The following ECE1 variants were observed in gnomAD, a reference collection of about 807,000 sequenced individuals.
ECE1 encodes the protein endothelin converting enzyme 1, also known as endothelin-converting enzyme 1.
In ECE1, 35 loss-of-function variants were observed where a neutral mutation model predicts 98.6. That is an observed-to-expected ratio of 0.35 (90% CI 0.27 to 0.47). ECE1 has a LOEUF of 0.47. ECE1 is among the 20% of genes least tolerant of loss of function. The pLI, the probability that ECE1 is intolerant of heterozygous loss-of-function variation, is 1.00. For missense variants in ECE1, 814 were observed against 1,025.3 expected (o/e 0.79, Z 2.81); for synonymous variants, 394 against 407.1 (o/e 0.97, Z 0.39).
chr1:21,316,631 G>A (rs892464532), intron 1 of ECE1, among the ~76,000 whole-genome samples: 3 of 151,958 alleles, frequency 2.0e-5, no homozygotes, highest in Non-Finnish European at 4.4e-5. Context: ...TCCTGTGGTC[G>A]CCAAGAGACA....
Position 21,247,206 on chromosome 1 carries a change from T to C in ECE1, c.1163+15A>G. The C allele has an allele frequency of 6.2e-7, 1 of 1,614,070 alleles. No individual in the cohort carries two copies. The highest frequency in any genetic ancestry group is 1.1e-5 in the South Asian group (1 of 91,076). ...CTGTGAGAGGCGTGCCCCAGGCCACTGGGGGTCCTCTTACCATCTGTCGGT... is the reference window on the plus strand; with the variant it reads ...CTGTGAGAGGCGTGCCCCAGGCCACCGGGGGTCCTCTTACCATCTGTCGGT... On this transcript the variant is annotated intron_variant, in intron 9 of 18. Transcript: ENST00000374893.
chr1:21,272,912 C>T lies in ECE1; in HGVS notation c.281-1G>A. ...TCGCTCAGGCACACAGAGGGGGATCCTGGAAGGGTTAAGGACAAGAGGCCA... is the reference window on the plus strand; with the variant it reads ...TCGCTCAGGCACACAGAGGGGGATCTTGGAAGGGTTAAGGACAAGAGGCCA... On this transcript the variant is annotated splice_acceptor_variant, in intron 3 of 18. Coordinates refer to ENST00000374893, the MANE Select transcript of ECE1 (RefSeq NM_001397.3). LOFTEE classifies it high-confidence loss of function. The T allele has an allele frequency of 6.2e-7, 1 of 1,613,998 alleles. No homozygotes were observed. Among genetic ancestry groups the T allele is most frequent in the Non-Finnish European group, 8.5e-7 (1 of 1,179,922 alleles).
chr1:21,270,852 C>T lies in ECE1; in HGVS notation c.493+1847G>A, dbSNP rs149351861. 5.3e-5 allele frequency among the ~76,000 whole-genome samples: 8 copies of T among 152,300 alleles called. No homozygotes were observed. The East Asian group carries it at 1.4e-3, about 26-fold the overall frequency. ...CATAGTAAGTGGCAGAGTCCAGATT[C>T]GAACCCAGGTCCTGGTGAGTCTGAA... On this transcript the variant is annotated intron_variant, in intron 4 of 18. Coordinates refer to ENST00000374893, the MANE Select transcript of ECE1 (RefSeq NM_001397.3).
At chr1:21,239,215 G>T (rs780807021) in intron 10 of ECE1, among the ~76,000 whole-genome samples, 1 of 152,156 alleles carries the variant, frequency 6.6e-6, no homozygotes, top group Non-Finnish European at 1.5e-5. Flanking sequence ...TGTGCAAACC[G>T]GAAATAGGCG....
At position 21,233,468 on chromosome 1, in the gene ECE1, C is replaced by T; in HGVS notation, c.1670+90G>A. 1 of 1,163,792 alleles carries T rather than the reference C, an allele frequency of 8.6e-7. No individual in the cohort carries two copies. The highest frequency in any genetic ancestry group is 1.3e-6 in the Non-Finnish European group (1 of 785,774). 72.1% of individuals were successfully genotyped at this position (1,163,792 alleles called of 1,614,324 possible). ...CTCTCGTGATAGCTGATCGGGTGCACAGTGAGGGTGCAATGAAGGCCAGTT... is the reference window on the plus strand; with the variant it reads ...CTCTCGTGATAGCTGATCGGGTGCATAGTGAGGGTGCAATGAAGGCCAGTT... On this transcript the variant is annotated intron_variant, in intron 14 of 18. Transcript: ENST00000374893. This position sits in a 1 kb window ranked among gnomAD's most constrained non-coding sequence, Gnocchi z 4.0.
At chr1:21,279,059 C>G in intron 3 of ECE1, 132 bp downstream of exon 3, 2 of 1,491,448 alleles carry the variant, frequency 1.3e-6, no homozygotes, top group Non-Finnish European at 1.8e-6. Context: ...GCACCCAGAC[C>G]CCCCTGGGCC....
At chr1:21,317,784 C>T (rs79553835) in intron 1 of ECE1, among the ~76,000 whole-genome samples, 1,977 of 152,290 alleles carry the variant, frequency 0.013, 44 homozygotes, top group African/African-American at 0.045. Context: ...CCTCTGGAGA[C>T]GCACGAGTGG....
rs756284777 is a variant in ECE1 at position 21,256,133 on chromosome 1, C to T, written c.834G>A (p.Leu278=). The change falls in exon 8 of 19, where the codon CTG becomes CTA. Residue 278 remains leucine, a synonymous_variant. Transcript: ENST00000374893. Reference sequence around the variant, plus strand: ...GGACCATGTAGTTCAGATATCCGGTCAGCACCTGCAGGGCCCATACCCCAA... The same window carrying T: ...GGACCATGTAGTTCAGATATCCGGTTAGCACCTGCAGGGCCCATACCCCAA... ...YLNKTENEKV[L]TGYLNYMVQL... The T allele has an allele frequency of 4.4e-6, 7 of 1,599,884 alleles. No homozygotes were observed. The highest frequency in any genetic ancestry group is 1.3e-5 in the African/African-American group (1 of 74,698).
chr1:21,286,515 A>G (rs115096103), intron 2 of ECE1, among the ~76,000 whole-genome samples: 1,927 of 152,346 alleles, frequency 0.013, 23 homozygotes, highest in Non-Finnish European at 0.021. Context: ...TTCAGGTCTC[A>G]CAGCGCAGGA....
chr1:21,333,333 G>A (rs147254696), intron 1 of ECE1, among the ~76,000 whole-genome samples: 5,216 of 150,678 alleles, frequency 0.035, 129 homozygotes, highest in Middle Eastern at 0.11. Context: ...CACCAGAGCC[G>A]TGGGGGGGGC....
Position 21,322,509 on chromosome 1 carries a change from A to AC in ECE1, c.3+22866dup, listed in dbSNP as rs1638986472. On this transcript the variant is annotated intron_variant, in intron 1 of 18. Coordinates refer to the ECE1 transcript ENST00000415912. The surrounding 1 kb of genome is among the most constrained non-coding windows in gnomAD (Gnocchi z 4.1). ...GCCAGTGCAAGGCGCAGGCTGAGGC[A>AC]CAGGTTGGGGCTGTGCCAGGCCCCC... 6.6e-6 allele frequency among the ~76,000 whole-genome samples: 1 copy of AC among 152,218 alleles called. No homozygotes were observed. The highest frequency in any genetic ancestry group is 2.4e-5 in the African/African-American group (1 of 41,468).
At chr1:21,298,687 C>T (rs1638422553) in intron 1 of ECE1, 1 of 451,588 alleles carries the variant, frequency 2.2e-6, no homozygotes, top group Admixed American at 2.4e-5. Flanking sequence ...AACTGGAGTG[C>T]AGCGAGCATC....
At chr1:21,320,241 C>A (rs1328928518) in intron 1 of ECE1, among the ~76,000 whole-genome samples, 1 of 152,148 alleles carries the variant, frequency 6.6e-6, no homozygotes, top group African/African-American at 2.4e-5. Context: ...TATCTCCAGG[C>A]TCCAGCCGTC....
chr1:21,260,341 T>G lies in ECE1; in HGVS notation c.545A>C (p.Tyr182Ser). Residue 182 changes from tyrosine to serine, a missense_variant, in exon 5 of 19, where the codon TAC (tyrosine) becomes TCC (serine). Physicochemically the swap from Tyr to Ser is moderately radical, Grantham distance 144 (BLOSUM62 -2). Transcript: ENST00000374893. The surrounding 1 kb of genome is among the most constrained non-coding windows in gnomAD (Gnocchi z 4.3). ...CCTGGTCTCGTTCATGCACGCACGG[T>G]AGTATACTTGCGCCTTTCTCTCTGC... The part of the protein sequence containing the change: ...SEAERKAQVY[Y>S]RACMNETRIE... 1 of 1,614,262 alleles carries G rather than the reference T, an allele frequency of 6.2e-7. No homozygotes were observed. The highest frequency in any genetic ancestry group is 8.5e-7 in the Non-Finnish European group (1 of 1,180,056).
Position 21,255,993 on chromosome 1 carries a change from C to T in ECE1, c.974G>A (p.Arg325His). 1.2e-6 allele frequency: 2 copies of T among 1,614,120 alleles called. No homozygotes were observed. The highest frequency in any genetic ancestry group is 2.2e-5 in the East Asian group (1 of 44,892). ...TTTGTGGTAGATGAGCTCCTCATCACGGCGCTTCTCCTGTGGGATGGTGAT... is the reference window on the plus strand; with the variant it reads ...TTTGTGGTAGATGAGCTCCTCATCATGGCGCTTCTCCTGTGGGATGGTGAT... ...ANITIPQEKR[R>H]DEELIYHKVT... Residue 325 changes from arginine (R) to histidine (H), a missense_variant, in exon 8 of 19, where the codon CGT (arginine) becomes CAT (histidine). Physicochemically the swap from Arg to His is conservative, Grantham distance 29 (BLOSUM62 0). This residue lies in a region of ECE1 where 105 missense variants were observed against 179.1 expected (regional missense o/e 0.59). Transcript: ENST00000374893.
intron 1 of ECE1, among the ~76,000 whole-genome samples, chr1:21,305,553 C>T (rs114987466): frequency 0.013 from 2,035 of 152,278 alleles, 24 homozygotes; most frequent in Non-Finnish European, 0.021. Context: ...TCGCTCAGAC[C>T]ACCGGGGCCA....
At position 21,238,466 on chromosome 1, in the gene ECE1, T is replaced by C. The variant is rs1213039931; in HGVS notation, c.1279-222A>G. 5.0e-6 allele frequency: 3 copies of C among 605,570 alleles called. No homozygotes were observed. In the African/African-American group the frequency reaches 5.5e-5, roughly 11 times the overall value. The allele number at this position is 605,570 out of a possible 1,614,324, so 37.5% of individuals were successfully genotyped here. A position where few individuals can be genotyped will look rare whatever the true frequency, so the allele number is the denominator to read the frequency against. On this transcript the variant is annotated intron_variant, in intron 10 of 18. Transcript: ENST00000374893. ...TGAATGCCAGGCTCTGTGCTGGGAC[T>C]TCACAAATAGTGTCCCGTTGAGCCA...
At position 21,322,299 on chromosome 1, in the gene ECE1, C is replaced by T. The variant is rs898174078; in HGVS notation, c.3+23077G>A. ...GCCCGGAGTGCAGCTCCCTCCCTAA[C>T]GGCTGGGGACAGGTCAGTGCCACCC... On this transcript the variant is annotated intron_variant, in intron 1 of 18. Coordinates refer to the ECE1 transcript ENST00000415912. This position sits in a 1 kb window ranked among gnomAD's most constrained non-coding sequence, Gnocchi z 4.1. Among the ~76,000 whole-genome samples the T allele has an allele frequency of 6.6e-5, 10 of 152,200 alleles. No individual in the cohort carries two copies. Among genetic ancestry groups the T allele is most frequent in the African/African-American group, 2.4e-4 (10 of 41,454 alleles).
intron 16 of ECE1, among the ~76,000 whole-genome samples, chr1:21,226,382 AG>A (rs2098174267): frequency 6.6e-6 from 1 of 152,176 alleles, no homozygotes; most frequent in Non-Finnish European, 1.5e-5. Flanking sequence ...TTTACAGACA[AG>A]ACATGGGGGC....
Sources: allele counts gnomAD v4.1 joint callset (sites outside exome capture counted in the v4.1 genomes callset), GRCh38; gene constraint gnomAD v4.1.1; regional missense constraint gnomAD v4.1.1; non-coding constraint Gnocchi (gnomAD v3.1); transcripts MANE v1.5; gene names NCBI Gene and HGNC (gene_info 2026-07-23, HGNC 2026-07-21).